YJU2B: variants seen among roughly 807,000 people sequenced by gnomAD.
The protein encoded by YJU2B is probable splicing factor YJU2B.
YJU2B carries 18 observed loss-of-function variants against 38.0 expected under a neutral mutation model. The observed-to-expected ratio is 0.47, with a 90% CI of 0.33 to 0.70. The LOEUF is 0.70. Ranked by LOEUF, YJU2B falls within the 30% of genes least tolerant of loss-of-function variation. The probability of loss-of-function intolerance (pLI) is 0.02; values close to 1 mark genes in which losing one functional copy is unlikely to be tolerated. For synonymous variants in YJU2B, 246 were observed against 225.4 expected (o/e 1.09, Z -0.82); for missense variants, 538 against 556.3 (o/e 0.97, Z 0.33).
intron 5 of YJU2B, 76 bp from the exon 6 acceptor site, chr19:13,757,708 CCT>C (rs1341907464): frequency 1.4e-6 from 2 of 1,409,704 alleles, no homozygotes; most frequent in Admixed American, 3.4e-5. Context: ...TGACAGTGAG[CCT>C]CTTTGTACCT....
chr19:13,745,692 T>TAGATAGATAGATATAG (rs57681294), upstream of YJU2B, among the ~76,000 whole-genome samples: 1 of 93,306 alleles, frequency 1.1e-5, no homozygotes, highest in African/African-American at 3.9e-5. Context: ...GATAGATAGA[T>TAGATAGATAGATATAG]ATAGATATAT....
chr19:13,747,695 C>T (rs574279626), upstream of YJU2B: 24 of 152,532 alleles, frequency 1.6e-4, no homozygotes, highest in African/African-American at 5.0e-4. Flanking sequence ...AGGCGGGCCT[C>T]GGATTGGGCC....
chr19:13,745,686 G>GATAGATAGATAGATAGATATAGATAGAT (rs1555699815), upstream of YJU2B, among the ~76,000 whole-genome samples: 1 of 96,272 alleles, frequency 1.0e-5, no homozygotes, highest in African/African-American at 4.5e-5. Flanking sequence ...TAGATAGATA[G>GATAGATAGATAGATAGATATAGATAGAT]ATAGATATAG....
intron 2 of YJU2B, among the ~76,000 whole-genome samples, chr19:13,741,577 TA>T (rs36123429): frequency 0.61 from 86,396 of 141,070 alleles, 26,112 homozygotes; most frequent in Middle Eastern, 0.72. Context: ...TTCTACAAAT[TA>T]AAAAAAAAAA....
intron 3 of YJU2B, among the ~76,000 whole-genome samples, chr19:13,754,803 CACTT>C (rs1224159806): frequency 6.6e-6 from 1 of 152,088 alleles, no homozygotes; most frequent in Non-Finnish European, 1.5e-5. Context: ...ATAACTCCCT[CACTT>C]ATTCATTTAT....
chr19:13,748,398 A>G (rs1973330527), intron 1 of YJU2B, among the ~76,000 whole-genome samples: 4 of 152,042 alleles, frequency 2.6e-5, no homozygotes, highest in African/African-American at 2.4e-5. Context: ...AGAGAAAACA[A>G]TTTGCCCCAA....
chr19:13,737,813 C>G (rs988019570), intron 2 of YJU2B, among the ~76,000 whole-genome samples: 1 of 151,408 alleles, frequency 6.6e-6, no homozygotes, highest in East Asian at 1.9e-4. Flanking sequence ...TTTAAGTTAG[C>G]CAGATGTAGC....
At position 13,733,457 on chromosome 19, in the gene YJU2B, G is replaced by A. The variant is rs11878778; in HGVS notation, c.-202+1172G>A. On this transcript the variant is annotated intron_variant, in intron 2 of 10. Coordinates refer to the YJU2B transcript ENST00000586600. ...GACGCCATAGCCAGGCACGGTGGCT[G>A]ACGCCTGTAATCCCAGCACTTTGGG... 8.6e-3 allele frequency among the ~76,000 whole-genome samples: 1,304 copies of A among 151,776 alleles called. 15 individuals are homozygous for A. Among genetic ancestry groups the A allele is most frequent in the African/African-American group, 0.03 (1,249 of 41,456 alleles).
upstream of YJU2B, among the ~76,000 whole-genome samples, chr19:13,743,160 A>T (rs1182729454): frequency 6.7e-6 from 1 of 149,502 alleles, no homozygotes; most frequent in Non-Finnish European, 1.5e-5. Flanking sequence ...TTTTTAAGGC[A>T]GGTGTAAATT....
intron 3 of YJU2B, among the ~76,000 whole-genome samples, chr19:13,755,659 C>T (rs1326420456): frequency 6.6e-6 from 1 of 151,554 alleles, no homozygotes; most frequent in East Asian, 2.0e-4. Flanking sequence ...TCTTTCAGCT[C>T]ATAAATGGGA....
At chr19:13,749,131 G>A (rs2145122065) in intron 1 of YJU2B, among the ~76,000 whole-genome samples, 1 of 152,288 alleles carries the variant, frequency 6.6e-6, no homozygotes, top group East Asian at 1.9e-4. Context: ...AGCCTCTCCA[G>A]TAGCTGGGAT....
intron 4 of YJU2B, among the ~76,000 whole-genome samples, chr19:13,756,534 G>A (rs147018839): frequency 1.3e-5 from 2 of 152,308 alleles, no homozygotes; most frequent in East Asian, 3.9e-4. Context: ...CCTGATCTGG[G>A]CTGGGCTCCC....
upstream of YJU2B, among the ~76,000 whole-genome samples, chr19:13,747,232 G>A (rs1397934536): frequency 1.3e-5 from 2 of 152,178 alleles, no homozygotes; most frequent in Admixed American, 6.5e-5. Flanking sequence ...TTATTTTGAA[G>A]CAATCAGCAG....
chr19:13,759,029 C>T lies in YJU2B; in HGVS notation c.400+19C>T. On this transcript the variant is annotated intron_variant, in intron 7 of 9. Coordinates refer to ENST00000221554, the MANE Select transcript of YJU2B (RefSeq NM_030818.4). Reference sequence around the variant, plus strand: ...ACCACAGGTGAGCGCCACCCACTTACCTGCCTGGGGGCCCTGGCCCTGAGT... The same window carrying T: ...ACCACAGGTGAGCGCCACCCACTTATCTGCCTGGGGGCCCTGGCCCTGAGT... The T allele has an allele frequency of 6.2e-7, 1 of 1,612,298 alleles. No homozygotes were observed. The highest frequency in any genetic ancestry group is 1.1e-5 in the South Asian group (1 of 91,022).
intron 2 of YJU2B, chr19:13,732,610 C>CTTTTTT (rs58605088): frequency 2.0e-4 from 24 of 119,414 alleles, no homozygotes; most frequent in African/African-American, 2.9e-4. Context: ...TACTTTCTTT[C>CTTTTTT]TTTTTTTTTT....
At chr19:13,733,178 C>T (rs1972863419) in intron 2 of YJU2B, among the ~76,000 whole-genome samples, 1 of 151,802 alleles carries the variant, frequency 6.6e-6, no homozygotes, top group African/African-American at 2.4e-5. Flanking sequence ...ATCCACCTGT[C>T]TCGGCCTCCC....
chr19:13,754,991 C>T (rs567295988), intron 3 of YJU2B, among the ~76,000 whole-genome samples: 62 of 152,036 alleles, frequency 4.1e-4, no homozygotes, highest in Non-Finnish European at 8.1e-4. Flanking sequence ...TTTCTCCATA[C>T]GTCAGAAGGG....
In YJU2B at chr19:13,751,644, G is replaced by A; in HGVS notation, c.-165G>A. On this transcript the variant is annotated 5_prime_UTR_variant, in exon 2 of 10. Coordinates refer to ENST00000221554, the MANE Select transcript of YJU2B (RefSeq NM_030818.4). Reference sequence around the variant, plus strand: ...TTTGGATGCCTCCTATGCCTGGCGGGAGTCTTGTCTGAGCTGGCACCACCA... The same window carrying A: ...TTTGGATGCCTCCTATGCCTGGCGGAAGTCTTGTCTGAGCTGGCACCACCA... The A allele has an allele frequency of 1.5e-6, 1 of 671,110 alleles. No homozygotes were observed. Among genetic ancestry groups the A allele is most frequent in the Non-Finnish European group, 2.7e-6 (1 of 374,482 alleles). 41.6% of individuals were successfully genotyped at this position (671,110 alleles called of 1,614,324 possible).
chr19:13,739,337 T>C (rs1973034902), intron 2 of YJU2B, among the ~76,000 whole-genome samples: 1 of 152,068 alleles, frequency 6.6e-6, no homozygotes, highest in African/African-American at 2.4e-5. Flanking sequence ...AACTTTTTTA[T>C]AGAGACAGGG....
Sources: gnomAD v4.1 joint callset for allele counts (sites outside exome capture counted in the v4.1 genomes callset) on GRCh38, gnomAD v4.1.1 for gene constraint, MANE v1.5 for transcripts, NCBI Gene and HGNC (gene_info 2026-07-23, HGNC 2026-07-21) for gene names.